CRB1: variants seen among roughly 807,000 people sequenced by gnomAD.
CRB1 encodes crumbs cell polarity complex component 1.
CRB1 carries 83 observed loss-of-function variants against 120.0 expected under a neutral mutation model. The observed-to-expected ratio is 0.69, with a 90% CI of 0.58 to 0.83. The LOEUF is 0.83. Ranked by LOEUF, CRB1 falls within the 40% of genes least tolerant of loss-of-function variation. The pLI, the probability that CRB1 is intolerant of heterozygous loss-of-function variation, is 0.00. For synonymous variants in CRB1, 625 were observed against 612.5 expected (o/e 1.02, Z -0.30); for missense variants, 1,699 against 1,687.6 (o/e 1.01, Z -0.12).
At chr1:197,450,406 A>G (rs1665901803) in intron 11 of CRB1, among the ~76,000 whole-genome samples, 1 of 152,124 alleles carries the variant, frequency 6.6e-6, no homozygotes, top group African/African-American at 2.4e-5. Flanking sequence ...ATTTTAGCTT[A>G]TTTTAGCAGG....
chr1:197,474,051 T>C, intron 11 of CRB1, among the ~76,000 whole-genome samples: 1 of 152,180 alleles, frequency 6.6e-6, no homozygotes, highest in East Asian at 1.9e-4. Context: ...GCTCCCTTGG[T>C]CATACTGCAA....
chr1:197,320,793 T>A (rs1658145511), intron 1 of CRB1, among the ~76,000 whole-genome samples: 1 of 152,196 alleles, frequency 6.6e-6, no homozygotes, highest in African/African-American at 2.4e-5. Context: ...AGTAAAGCAC[T>A]CTTATTAAAC....
chr1:197,230,538 A>G, the CRB1 span, among the ~76,000 whole-genome samples: 2,814 of 152,234 alleles, frequency 0.018, 81 homozygotes, highest in African/African-American at 0.064. Flanking sequence ...GTCTTGGGAA[A>G]TAATCACTAT....
At chr1:197,441,423 C>T (rs1402656357) in intron 10 of CRB1, 1 of 152,084 alleles carries the variant, frequency 6.6e-6, no homozygotes, top group Non-Finnish European at 1.5e-5. Context: ...AAGAAGAAAA[C>T]TTCAATTTAC....
chr1:197,455,071 G>T (rs1666209790), intron 11 of CRB1, among the ~76,000 whole-genome samples: 1 of 152,020 alleles, frequency 6.6e-6, no homozygotes, highest in Non-Finnish European at 1.5e-5. Flanking sequence ...GTCCAATTTG[G>T]AGCATTTTCA....
At chr1:197,331,281 C>A (rs571034873) in intron 2 of CRB1, among the ~76,000 whole-genome samples, 1 of 152,256 alleles carries the variant, frequency 6.6e-6, no homozygotes, top group South Asian at 2.1e-4. Context: ...TTTCTGGGCA[C>A]CCTTCCCCAT....
chr1:197,429,473 G>A lies in CRB1; in HGVS notation c.2701G>A (p.Val901Ile). Residue 901 changes from valine (V) to isoleucine (I), a missense_variant, in exon 8 of 12, where the codon GTT (valine) becomes ATT (isoleucine). Val to Ile is a conservative substitution (Grantham distance 29). Coordinates refer to ENST00000367400, the MANE Select transcript of CRB1 (RefSeq NM_201253.3). Reference protein sequence around the residue: ...CKSNPCHNGGVCHSRWDDFSC... With the variant: ...CKSNPCHNGGICHSRWDDFSC... ...GTCCAACCCCTGTCACAATGGAGGT[G>A]TTTGCCATTCCCGGTGGGATGACTT... The A allele has an allele frequency of 6.2e-7, 1 of 1,614,006 alleles. No individual in the cohort carries two copies. The highest frequency in any genetic ancestry group is 1.1e-5 in the South Asian group (1 of 91,072).
At chr1:197,437,110 A>G (rs1345781854) in intron 9 of CRB1, among the ~76,000 whole-genome samples, 1 of 151,960 alleles carries the variant, frequency 6.6e-6, no homozygotes. Flanking sequence ...CATTATGGGG[A>G]GGTGAGAGGG....
At chr1:197,263,239 GCATCT>G (rs1159307748), upstream of CRB1, among the ~76,000 whole-genome samples, 8 of 152,052 alleles carry the variant, frequency 5.3e-5, no homozygotes, top group Non-Finnish European at 1.0e-4. Flanking sequence ...GTGTGAGATG[GCATCT>G]CATTGTAGTT....
chr1:197,465,763 A>G (rs1212731111), intron 11 of CRB1, among the ~76,000 whole-genome samples: 1 of 152,200 alleles, frequency 6.6e-6, no homozygotes, highest in African/African-American at 2.4e-5. Context: ...TGAAAGTCTG[A>G]TAATTTGATG....
At chr1:197,290,047 T>C (rs1042096876) in intron 1 of CRB1, among the ~76,000 whole-genome samples, 1 of 151,766 alleles carries the variant, frequency 6.6e-6, no homozygotes, top group Non-Finnish European at 1.5e-5. Context: ...CTATCTATGG[T>C]TTCTGCTAAC....
intron 1 of CRB1, among the ~76,000 whole-genome samples, chr1:197,321,105 G>T (rs1008148616): frequency 3.3e-5 from 5 of 152,184 alleles, no homozygotes; most frequent in Non-Finnish European, 7.3e-5. Flanking sequence ...ATAGCCTTCT[G>T]GGGTGGAGTT....
intron 5 of CRB1, among the ~76,000 whole-genome samples, chr1:197,398,298 T>C (rs1022881250): frequency 3.9e-5 from 6 of 152,210 alleles, no homozygotes; most frequent in African/African-American, 9.6e-5. Context: ...ATATTTAGAA[T>C]ACCTTTCTCA....
chr1:197,441,391 A>T (rs1006039753), intron 10 of CRB1: 4 of 152,040 alleles, frequency 2.6e-5, no homozygotes, highest in Non-Finnish European at 4.4e-5. Context: ...AAATTAGTTT[A>T]AAAAAATGAC....
intron 2 of CRB1, among the ~76,000 whole-genome samples, chr1:197,338,992 CA>C (rs1302000859): frequency 1.3e-5 from 2 of 152,088 alleles, no homozygotes; most frequent in Admixed American, 1.3e-4. Flanking sequence ...TCAGAATTGA[CA>C]AAATTCGGCA....
intron 5 of CRB1, among the ~76,000 whole-genome samples, chr1:197,419,427 A>G (rs1271400797): frequency 6.6e-6 from 1 of 150,402 alleles, no homozygotes; most frequent in African/African-American, 2.5e-5. Context: ...CAGTGGCATG[A>G]TCTTGGCTCA....
chr1:197,274,552 G>A (rs984537010), intron 1 of CRB1, among the ~76,000 whole-genome samples: 1 of 152,102 alleles, frequency 6.6e-6, no homozygotes, highest in African/African-American at 2.4e-5. Flanking sequence ...AAAGTATTAT[G>A]CAGAATAATT....
At chr1:197,426,442 T>TATTATA (rs1398454788) in intron 6 of CRB1, among the ~76,000 whole-genome samples, 2 of 152,120 alleles carry the variant, frequency 1.3e-5, no homozygotes, top group African/African-American at 4.8e-5. Context: ...CCATCTGACA[T>TATTATA]ATTATATAGT....
At chr1:197,381,234 G>A (rs1335726346) in intron 5 of CRB1, among the ~76,000 whole-genome samples, 1 of 152,038 alleles carries the variant, frequency 6.6e-6, no homozygotes, top group Non-Finnish European at 1.5e-5. Context: ...GCCTGTTCAG[G>A]CATTATGCAT....
Sources: allele counts gnomAD v4.1 joint callset (sites outside exome capture counted in the v4.1 genomes callset), GRCh38; gene constraint gnomAD v4.1.1; transcripts MANE v1.5; gene names NCBI Gene and HGNC (gene_info 2026-07-23, HGNC 2026-07-21).